The following TENM2 variants were observed in gnomAD, a reference collection of about 807,000 sequenced individuals.
TENM2 encodes the protein teneurin-2.
Under a neutral mutation model 245.2 loss-of-function variants are expected in TENM2, and 52 were observed. That is an observed-to-expected ratio of 0.21 (90% CI 0.17 to 0.27). The LOEUF is 0.27. TENM2 is among the 10% of genes least tolerant of loss of function. The probability of loss-of-function intolerance (pLI) is 1.00; values close to 1 mark genes in which losing one functional copy is unlikely to be tolerated. For missense variants in TENM2, 3,046 were observed against 3,666.8 expected, an observed-to-expected ratio of 0.83 and a Z score of 4.37; for synonymous variants, 1,363 against 1,438.9, an observed-to-expected ratio of 0.95 and a Z score of 1.19.
In TENM2 at chr5:167,606,023, C is replaced by T. The variant is rs550606697; in HGVS notation, c.502+230550C>T. ...TAATCAGATATCTCTTACAACACAA[C>T]TAAGACATAGCTTGTTAGAGCCCGG... On this transcript the variant is annotated intron_variant, in intron 2 of 28. Coordinates refer to ENST00000518659, the Ensembl canonical transcript of TENM2. Among the ~76,000 whole-genome samples the T allele has an allele frequency of 2.6e-5, 4 of 152,284 alleles. No individual in the cohort carries two copies. In the South Asian group the frequency reaches 8.3e-4, roughly 32 times the overall value.
chr5:167,792,502 C>T (rs1043127932), intron 2 of TENM2, among the ~76,000 whole-genome samples: 1 of 151,914 alleles, frequency 6.6e-6, no homozygotes, highest in African/African-American at 2.4e-5. Flanking sequence ...ATGTGATCGT[C>T]ACGTGTGGCT....
chr5:168,258,041 C>T (rs923342619), intron 27 of TENM2, among the ~76,000 whole-genome samples: 1 of 151,972 alleles, frequency 6.6e-6, no homozygotes, highest in African/African-American at 2.4e-5. Context: ...GTGGAAGTGG[C>T]GAGAGGAGAC....
chr5:168,108,316 A>C (rs1221733863), intron 9 of TENM2, among the ~76,000 whole-genome samples: 1 of 152,244 alleles, frequency 6.6e-6, no homozygotes, highest in Non-Finnish European at 1.5e-5. Flanking sequence ...ATTAAGAAGG[A>C]AAGCTGTAGA....
intron 2 of TENM2, among the ~76,000 whole-genome samples, chr5:167,427,602 G>A (rs1340549318): frequency 2.7e-5 from 3 of 112,962 alleles, no homozygotes; most frequent in Non-Finnish European, 5.1e-5. Context: ...AGGAAGGGAC[G>A]GGAGGGAAGG....
chr5:167,623,603 C>T (rs1295308479), intron 2 of TENM2, among the ~76,000 whole-genome samples: 1 of 152,100 alleles, frequency 6.6e-6, no homozygotes. Flanking sequence ...TGTACAACTA[C>T]CTCACACCTG....
chr5:167,631,460 G>C (rs1367865589), intron 2 of TENM2, among the ~76,000 whole-genome samples: 1 of 152,160 alleles, frequency 6.6e-6, no homozygotes, highest in East Asian at 1.9e-4. Flanking sequence ...ATAGAAGTTG[G>C]ATGTGGCTGA....
At chr5:167,965,740 T>G (rs574663711) in intron 4 of TENM2, among the ~76,000 whole-genome samples, 1 of 152,314 alleles carries the variant, frequency 6.6e-6, no homozygotes, top group Admixed American at 6.5e-5. Flanking sequence ...CTTTGTTAGG[T>G]ATATGTTACT....
the TENM2 span, among the ~76,000 whole-genome samples, chr5:167,037,782 G>A: frequency 6.6e-6 from 1 of 152,202 alleles, no homozygotes; most frequent in Non-Finnish European, 1.5e-5. Flanking sequence ...TTGTGAAGGG[G>A]CAAAGAAGGG....
chr5:168,157,569 C>G (rs1757295530), intron 12 of TENM2, among the ~76,000 whole-genome samples: 1 of 152,062 alleles, frequency 6.6e-6, no homozygotes, highest in Admixed American at 6.5e-5. Context: ...GATAGGAGTT[C>G]TTGCAGTTAA....
chr5:167,015,570 C>G, the TENM2 span, among the ~76,000 whole-genome samples: 2 of 152,132 alleles, frequency 1.3e-5, no homozygotes, highest in Non-Finnish European at 2.9e-5. Flanking sequence ...TACTTATAAA[C>G]TTGAAAAAAT....
chr5:167,565,365 C>A (rs1196218658), intron 2 of TENM2, among the ~76,000 whole-genome samples: 1 of 152,198 alleles, frequency 6.6e-6, no homozygotes, highest in East Asian at 1.9e-4. Flanking sequence ...TCAATATCAT[C>A]ATCAGCTAAT....
At chr5:167,737,348 G>A (rs1016014884) in intron 2 of TENM2, among the ~76,000 whole-genome samples, 8 of 152,126 alleles carry the variant, frequency 5.3e-5, no homozygotes, top group African/African-American at 1.7e-4. Context: ...ACAGAGCGCC[G>A]GCGGCTACCA....
the TENM2 span, among the ~76,000 whole-genome samples, chr5:167,118,642 T>A: frequency 6.6e-6 from 1 of 152,176 alleles, no homozygotes; most frequent in Non-Finnish European, 1.5e-5. Context: ...TGAAGCAAAT[T>A]AATAAAGAAA....
At chr5:167,143,209 A>G in the TENM2 span, among the ~76,000 whole-genome samples, 4 of 152,232 alleles carry the variant, frequency 2.6e-5, no homozygotes, top group African/African-American at 4.8e-5. Flanking sequence ...GATGACCACA[A>G]TGAGGCTTCG....
In TENM2 at chr5:168,247,996, C is replaced by T. The variant is rs370796607; in HGVS notation, c.7057C>T (p.His2353Tyr). Residue 2353 changes from histidine (H) to tyrosine (Y), a missense_variant, in exon 27 of 29, where the codon CAC becomes TAC. Physicochemically the swap from His to Tyr is moderately conservative, Grantham distance 83 (BLOSUM62 2). This residue lies in a region of TENM2 where 2,704 missense variants were observed against 3,331.9 expected (regional missense o/e 0.81). Coordinates refer to ENST00000518659, the Ensembl canonical transcript of TENM2. This position sits in a 1 kb window ranked among gnomAD's most constrained non-coding sequence, Gnocchi z 7.8. ...CTCACTGTACTACGACCTCCAGGGC[C>T]ACCTCTTTGCCATGGAGAGCAGCAG... 55 of 1,613,814 alleles carry T rather than the reference C, an allele frequency of 3.4e-5. No homozygotes were observed. Among genetic ancestry groups the T allele is most frequent in the Non-Finnish European group, 4.6e-5 (54 of 1,179,894 alleles).
chr5:168,195,126 C>G, intron 14 of TENM2, 50 bp from the exon 17 acceptor site: 1 of 1,554,884 alleles, frequency 6.4e-7, no homozygotes, highest in Non-Finnish European at 8.7e-7. Flanking sequence ...GGGGAATTGT[C>G]TCTGTTCTCC....
At chr5:167,830,294 T>G (rs1768356424) in intron 2 of TENM2, among the ~76,000 whole-genome samples, 1 of 152,228 alleles carries the variant, frequency 6.6e-6, no homozygotes, top group African/African-American at 2.4e-5. Context: ...ATACATAGTA[T>G]CCTTTAGAAG....
intron 3 of TENM2, among the ~76,000 whole-genome samples, chr5:167,903,174 G>A (rs1775840734): frequency 6.6e-6 from 1 of 152,038 alleles, no homozygotes; most frequent in Non-Finnish European, 1.5e-5. Context: ...TGCAAGAAAA[G>A]AGTAAATCTT....
At chr5:167,120,669 A>C in the TENM2 span, among the ~76,000 whole-genome samples, 5 of 152,200 alleles carry the variant, frequency 3.3e-5, no homozygotes, top group African/African-American at 1.2e-4. Context: ...ATTTAACTTG[A>C]GGAACTTTCA....
Sources: gnomAD v4.1 joint callset for allele counts (sites outside exome capture counted in the v4.1 genomes callset) on GRCh38, gnomAD v4.1.1 for gene constraint, gnomAD v4.1.1 regional missense constraint, Gnocchi (gnomAD v3.1) non-coding constraint, MANE v1.5 for transcripts, NCBI Gene and HGNC (gene_info 2026-07-23, HGNC 2026-07-21) for gene names.